SEMA5A: variants seen among roughly 807,000 people sequenced by gnomAD.
SEMA5A encodes semaphorin-5A.
Under a neutral mutation model 135.5 loss-of-function variants are expected in SEMA5A, and 55 were observed. The observed-to-expected ratio is 0.41, with a 90% confidence interval of 0.33 to 0.51. SEMA5A has a LOEUF of 0.51. SEMA5A is among the 20% of genes least tolerant of loss of function. The pLI is 0.37. For synonymous variants in SEMA5A, 580 were observed against 546.5 expected (o/e 1.06, Z -0.85); for missense variants, 1,290 against 1,419.9 (o/e 0.91, Z 1.47).
intron 1 of SEMA5A, among the ~76,000 whole-genome samples, chr5:9,460,138 A>C (rs1257825401): frequency 6.6e-6 from 1 of 152,198 alleles, no homozygotes; most frequent in Non-Finnish European, 1.5e-5. Flanking sequence ...AGCTCATATA[A>C]AACACCTCTG....
chr5:9,074,054 G>T (rs1233127123), intron 16 of SEMA5A, among the ~76,000 whole-genome samples: 3 of 151,944 alleles, frequency 2.0e-5, no homozygotes, highest in African/African-American at 7.2e-5. Context: ...ATTTTGGCAA[G>T]GAAGAACAAA....
In SEMA5A at chr5:9,042,948, C is replaced by A. The variant is rs1736041465; in HGVS notation, c.3174G>T (p.Lys1058Asn). Residue 1058 changes from lysine to asparagine, a missense_variant, in exon 23 of 23, where the codon AAG becomes AAT. Around this residue, in one of 3 missense-constraint regions of SEMA5A, gnomAD observed 1,029 missense variants for 1,086.6 expected, o/e 0.95. Coordinates refer to ENST00000382496, the MANE Select transcript of SEMA5A (RefSeq NM_003966.3). The stretch of plus-strand genomic sequence containing the variant: ...CTGTAAAGTAGGCATTAGAATAGGT[C>A]TTCCCAGTGAGATGTGGGTTGAAGT... ...NKYFNPHLTG[K>N]TYSNAYFTDL... 1 of 1,613,248 alleles carries A rather than the reference C, an allele frequency of 6.2e-7. No homozygotes were observed. The highest frequency in any genetic ancestry group is 1.3e-5 in the African/African-American group (1 of 74,948).
intron 2 of SEMA5A, among the ~76,000 whole-genome samples, chr5:9,381,979 TGTGCGCGC>T (rs1394210380): frequency 1.8e-4 from 18 of 97,416 alleles, no homozygotes; most frequent in Non-Finnish European, 3.1e-4. Context: ...TGTGTGTGTG[TGTGCGCGC>T]GCGCGCACAT....
chr5:9,495,636 C>T (rs1406697481), intron 1 of SEMA5A, among the ~76,000 whole-genome samples: 3 of 152,326 alleles, frequency 2.0e-5, no homozygotes, highest in South Asian at 2.1e-4. Context: ...GTGAGACAAG[C>T]GTACACTCAG....
At chr5:9,101,878 G>A (rs1205942480) in intron 16 of SEMA5A, among the ~76,000 whole-genome samples, 1 of 152,140 alleles carries the variant, frequency 6.6e-6, no homozygotes, top group Non-Finnish European at 1.5e-5. Flanking sequence ...ATGGGTCTAC[G>A]TCCAATGTAA....
chr5:9,360,455 A>C (rs1381151999), intron 3 of SEMA5A, among the ~76,000 whole-genome samples: 1 of 152,274 alleles, frequency 6.6e-6, no homozygotes, highest in Non-Finnish European at 1.5e-5. Context: ...GATGCAGGAA[A>C]GAACTATCTC....
chr5:9,298,764 G>C (rs1751461843), intron 5 of SEMA5A, among the ~76,000 whole-genome samples: 1 of 152,146 alleles, frequency 6.6e-6, no homozygotes, highest in African/African-American at 2.4e-5. Flanking sequence ...TGTGATGGTA[G>C]CTGACATTTT....
intron 15 of SEMA5A, among the ~76,000 whole-genome samples, chr5:9,114,458 G>GTT (rs67888620): frequency 4.0e-5 from 6 of 151,784 alleles, no homozygotes; most frequent in Admixed American, 6.6e-5. Context: ...GCAAATTTAT[G>GTT]TTTTTTTTGT....
At chr5:9,395,204 G>T (rs1337292977) in intron 2 of SEMA5A, among the ~76,000 whole-genome samples, 1 of 152,132 alleles carries the variant, frequency 6.6e-6, no homozygotes, top group Non-Finnish European at 1.5e-5. Context: ...TGACTTGCCA[G>T]GTATAAGACA....
chr5:9,388,419 T>C (rs1294781844), intron 2 of SEMA5A, among the ~76,000 whole-genome samples: 2 of 151,504 alleles, frequency 1.3e-5, no homozygotes, highest in African/African-American at 4.9e-5. Flanking sequence ...TAAGTGAAAG[T>C]TCATTCAATC....
At chr5:9,462,865 A>T (rs1759108871) in intron 1 of SEMA5A, among the ~76,000 whole-genome samples, 1 of 152,122 alleles carries the variant, frequency 6.6e-6, no homozygotes, top group African/African-American at 2.4e-5. Context: ...CTGAAAAAAT[A>T]ACTAAGGAGT....
At chr5:9,528,888 T>A (rs544261090) in intron 1 of SEMA5A, among the ~76,000 whole-genome samples, 1 of 152,332 alleles carries the variant, frequency 6.6e-6, no homozygotes, top group African/African-American at 2.4e-5. Context: ...CATTCCCAGG[T>A]AGAACAGTTT....
Position 9,305,708 on chromosome 5 carries a change from G to GTGTATATATATATATATATA in SEMA5A, c.270+12663_270+12664insTATATATATATATATATACA, listed in dbSNP as rs1554017498. On this transcript the variant is annotated intron_variant, in intron 5 of 22. Transcript: ENST00000382496. ...CAGTATATATACTGTGTGTGTGTGC[G>GTGTATATATATATATATATA]TATATATATATATATATATTTACAC... Among the ~76,000 whole-genome samples, 1,354 of 138,764 alleles carry GTGTATATATATATATATATA rather than the reference G, an allele frequency of 9.8e-3. 26 individuals are homozygous for GTGTATATATATATATATATA. The highest frequency in any genetic ancestry group is 0.015 in the South Asian group (63 of 4,264). The allele number at this position is 138,764 out of a possible 152,430, so 91.0% of individuals were successfully genotyped here.
chr5:9,059,677 G>A (rs1289479227), intron 18 of SEMA5A, among the ~76,000 whole-genome samples: 2 of 152,098 alleles, frequency 1.3e-5, no homozygotes, highest in Admixed American at 6.5e-5. Flanking sequence ...AACCTCCTAA[G>A]TAGCTGGGAT....
At chr5:9,064,746 A>G (rs563783831) in intron 17 of SEMA5A, among the ~76,000 whole-genome samples, 1 of 152,102 alleles carries the variant, frequency 6.6e-6, no homozygotes. Context: ...ACAAGCAAAA[A>G]CCAAAAAATT....
chr5:9,392,729 A>G (rs1756215933), intron 2 of SEMA5A, among the ~76,000 whole-genome samples: 1 of 152,220 alleles, frequency 6.6e-6, no homozygotes, highest in Non-Finnish European at 1.5e-5. Flanking sequence ...CCTAGGACAC[A>G]GTATGACCCA....
chr5:9,538,645 C>T (rs10475468), intron 1 of SEMA5A, among the ~76,000 whole-genome samples: 109,341 of 152,138 alleles, frequency 0.72, 39,386 homozygotes, highest in South Asian at 0.77. Flanking sequence ...CAACATTCAG[C>T]GGCGAGGCTG....
intron 5 of SEMA5A, among the ~76,000 whole-genome samples, chr5:9,255,919 G>A (rs1340269409): frequency 9.7e-6 from 1 of 103,078 alleles, no homozygotes; most frequent in African/African-American, 3.6e-5. Flanking sequence ...TTCTCCCCTA[G>A]TGTTGCCCAT....
At chr5:9,332,053 T>C (rs1025886875) in intron 4 of SEMA5A, among the ~76,000 whole-genome samples, 3 of 152,204 alleles carry the variant, frequency 2.0e-5, no homozygotes, top group Non-Finnish European at 4.4e-5. Context: ...TTGGGTCAGG[T>C]GTGCAAGGCG....
Sources: allele counts gnomAD v4.1 joint callset (sites outside exome capture counted in the v4.1 genomes callset), GRCh38; gene constraint gnomAD v4.1.1; regional missense constraint gnomAD v4.1.1; transcripts MANE v1.5; gene names NCBI Gene and HGNC (gene_info 2026-07-23, HGNC 2026-07-21).